Variants in DNAJC13 observed in about 807,000 individuals in gnomAD.
DNAJC13 encodes dnaJ homolog subfamily C member 13.
In DNAJC13, 75 loss-of-function variants were observed where a neutral mutation model predicts 290.5. The observed-to-expected ratio is 0.26, with a 90% CI of 0.21 to 0.31. DNAJC13 has a LOEUF of 0.31. Among genes scored for constraint, DNAJC13 ranks in the 10% least tolerant of loss-of-function variants. The pLI is 1.00. For synonymous variants in DNAJC13, 862 were observed against 892.0 expected, an observed-to-expected ratio of 0.97 and a Z score of 0.60; for missense variants, 2,260 against 2,674.5, an observed-to-expected ratio of 0.85 and a Z score of 3.42.
At chr3:132,512,671 T>C (rs1311432389) in intron 44 of DNAJC13, among the ~76,000 whole-genome samples, 1 of 152,140 alleles carries the variant, frequency 6.6e-6, no homozygotes, top group African/African-American at 2.4e-5. Flanking sequence ...TTGAGGGGGG[T>C]AACCCTAAGG....
At chr3:132,513,580 G>C (rs147325993) in intron 45 of DNAJC13, among the ~76,000 whole-genome samples, 65 of 152,304 alleles carry the variant, frequency 4.3e-4, no homozygotes, top group Non-Finnish European at 8.2e-4. Context: ...TACCTTTTCT[G>C]TGAGGGTTAC....
At chr3:132,508,923 C>T (rs1024525936) in intron 43 of DNAJC13, among the ~76,000 whole-genome samples, 3 of 152,226 alleles carry the variant, frequency 2.0e-5, no homozygotes, top group African/African-American at 7.2e-5. Context: ...TTTCAAAATA[C>T]TACTGCTCGT....
chr3:132,418,645 C>T (rs936948644), intron 1 of DNAJC13, among the ~76,000 whole-genome samples: 6 of 152,184 alleles, frequency 3.9e-5, no homozygotes, highest in African/African-American at 9.7e-5. Context: ...AAAGGAGGTT[C>T]TGTACCTGAT....
At chr3:132,527,345 C>G (rs1266980545) in intron 53 of DNAJC13, among the ~76,000 whole-genome samples, 2 of 152,188 alleles carry the variant, frequency 1.3e-5, no homozygotes, top group African/African-American at 2.4e-5. Context: ...ATACAAGGCC[C>G]TGCATCTTTA....
intron 42 of DNAJC13, among the ~76,000 whole-genome samples, chr3:132,506,703 C>T (rs1935604049): frequency 6.6e-6 from 1 of 151,832 alleles, no homozygotes; most frequent in African/African-American, 2.4e-5. Context: ...AGGCATGTAT[C>T]ACCACGCCCA....
chr3:132,419,150 C>T (rs993875699), intron 1 of DNAJC13, among the ~76,000 whole-genome samples: 6 of 152,124 alleles, frequency 3.9e-5, no homozygotes, highest in Admixed American at 6.5e-5. Flanking sequence ...CATTATACTC[C>T]TTGTTTGAAA....
At chr3:132,502,086 C>T (rs1935433706) in intron 39 of DNAJC13, among the ~76,000 whole-genome samples, 1 of 152,092 alleles carries the variant, frequency 6.6e-6, no homozygotes, top group Admixed American at 6.5e-5. Context: ...ATTCTGGTAT[C>T]TCGTCATGAG....
At chr3:132,487,108 C>T (rs573665350) in intron 29 of DNAJC13, among the ~76,000 whole-genome samples, 1 of 152,050 alleles carries the variant, frequency 6.6e-6, no homozygotes, top group South Asian at 2.1e-4. Context: ...ATCTAAATTC[C>T]TTGTGGAATA....
At chr3:132,516,393 C>G (rs752065202) in intron 46 of DNAJC13, 29 bp from the exon 47 acceptor site, 1 of 1,606,750 alleles carries the variant, frequency 6.2e-7, no homozygotes, top group Non-Finnish European at 8.5e-7. Flanking sequence ...CCTGATGATG[C>G]ATTCCTTGAA....
Position 132,454,116 on chromosome 3 carries a change from A to G in DNAJC13, c.891A>G (p.Glu297=), listed in dbSNP as rs776028296. ...DSENPQLFTI[E]FIKGQVRKYS... ...AAAATCCACAACTTTTTACCATTGAATTTATAAAAGGGCAAGTACGGAAAT... is the reference window on the plus strand; with the variant it reads ...AAAATCCACAACTTTTTACCATTGAGTTTATAAAAGGGCAAGTACGGAAAT... The change falls in exon 9 of 56, where the codon GAA becomes GAG. Residue 297 remains glutamate (E), a synonymous_variant. Transcript: ENST00000260818. The G allele has an allele frequency of 1.2e-6, 2 of 1,608,168 alleles. No homozygotes were observed. Among genetic ancestry groups the G allele is most frequent in the Admixed American group, 1.7e-5 (1 of 59,254 alleles).
chr3:132,434,063 A>G (rs1939309828), intron 1 of DNAJC13, among the ~76,000 whole-genome samples: 1 of 152,182 alleles, frequency 6.6e-6, no homozygotes, highest in Non-Finnish European at 1.5e-5. Flanking sequence ...ACAAAAAATT[A>G]GCTGGGCGTG....
At chr3:132,471,068 T>C (rs1934223197) in intron 20 of DNAJC13, among the ~76,000 whole-genome samples, 4 of 121,406 alleles carry the variant, frequency 3.3e-5, no homozygotes, top group African/African-American at 9.7e-5. Flanking sequence ...GGCGGGGGGC[T>C]TACCCCCCCA....
chr3:132,497,537 G>T (rs1371611137), intron 36 of DNAJC13, among the ~76,000 whole-genome samples: 2 of 152,176 alleles, frequency 1.3e-5, no homozygotes, highest in Non-Finnish European at 2.9e-5. Flanking sequence ...CTAGCAGTTG[G>T]ATTATTAAAG....
chr3:132,516,646 A>T, intron 47 of DNAJC13, 58 bp from the exon 48 acceptor site: 1 of 1,545,118 alleles, frequency 6.5e-7, no homozygotes, highest in Non-Finnish European at 8.8e-7. Context: ...GTTGAAAATG[A>T]ATTCTGATTA....
At chr3:132,466,445 A>T in intron 19 of DNAJC13, 51 bp downstream of exon 19, 6 of 1,412,370 alleles carry the variant, frequency 4.2e-6, no homozygotes, top group Non-Finnish European at 5.7e-6. Flanking sequence ...GGGTACTGTT[A>T]TATATATGTC....
At chr3:132,488,068 T>A (rs1934939655) in intron 29 of DNAJC13, among the ~76,000 whole-genome samples, 1 of 152,178 alleles carries the variant, frequency 6.6e-6, no homozygotes, top group Admixed American at 6.5e-5. Context: ...ATGTTTGGGC[T>A]TTTCTGAATA....
intron 22 of DNAJC13, among the ~76,000 whole-genome samples, chr3:132,476,699 T>G (rs1028833413): frequency 2.0e-5 from 3 of 152,252 alleles, no homozygotes; most frequent in African/African-American, 7.2e-5. Context: ...AATAGGCTTC[T>G]TAGAAAACAC....
At chr3:132,487,559 A>AGTTTTTTTTTTTTTTTTTTTTTTTTTTT (rs1934918666) in intron 29 of DNAJC13, among the ~76,000 whole-genome samples, 1 of 110,502 alleles carries the variant, frequency 9.0e-6, no homozygotes, top group African/African-American at 5.3e-5. Context: ...CCTGGCTGTA[A>AGTTTTTTTTTTTTTTTTTTTTTTTTTTT]TTTTTTTTTT....
intron 15 of DNAJC13, among the ~76,000 whole-genome samples, chr3:132,462,018 T>G (rs749325971): frequency 1.8e-4 from 28 of 152,062 alleles, no homozygotes; most frequent in Non-Finnish European, 2.5e-4. Context: ...AAAAACTCAT[T>G]TTTCTGTGGT....
Sources: allele counts gnomAD v4.1 joint callset (sites outside exome capture counted in the v4.1 genomes callset), GRCh38; gene constraint gnomAD v4.1.1; transcripts MANE v1.5; gene names NCBI Gene and HGNC (gene_info 2026-07-23, HGNC 2026-07-21).